Variants in EPHA6 observed in about 807,000 individuals in gnomAD.
EPHA6 encodes the protein ephrin type-A receptor 6.
EPHA6 carries 50 observed loss-of-function variants against 112.0 expected under a neutral mutation model. That is an observed-to-expected ratio of 0.45 (90% CI 0.36 to 0.56). EPHA6 has a LOEUF of 0.56. Ranked by LOEUF, EPHA6 falls within the 20% of genes least tolerant of loss-of-function variation. The pLI is 0.00. For missense variants in EPHA6, 1,280 were observed against 1,417.4 expected (o/e 0.90, Z 1.56); for synonymous variants, 529 against 490.7 (o/e 1.08, Z -1.03).
chr3:97,677,295 G>A (rs2031472907), intron 14 of EPHA6, among the ~76,000 whole-genome samples: 1 of 151,558 alleles, frequency 6.6e-6, no homozygotes, highest in South Asian at 2.1e-4. Context: ...ATCATATTAA[G>A]TTAACATTGA....
chr3:97,059,518 A>G (rs1334425653), intron 3 of EPHA6, among the ~76,000 whole-genome samples: 1 of 151,992 alleles, frequency 6.6e-6, no homozygotes, highest in East Asian at 1.9e-4. Flanking sequence ...CATCAAAGGT[A>G]TTGTAATGTG....
chr3:97,688,917 T>C (rs1366001704), intron 14 of EPHA6, among the ~76,000 whole-genome samples: 1 of 152,182 alleles, frequency 6.6e-6, no homozygotes, highest in Admixed American at 6.5e-5. Context: ...TAAATATCTT[T>C]GTATTTTTAA....
intron 17 of EPHA6, 58 bp from the exon 18 acceptor site, chr3:97,748,529 C>T (rs1333693076): frequency 1.2e-6 from 1 of 808,412 alleles, no homozygotes; most frequent in Non-Finnish European, 2.2e-6. Context: ...CTCTCTCTCT[C>T]TCTCTCTCTT....
rs2036353249 is a variant in EPHA6, at chr3:96,866,977, C to A, written c.450+88C>A. ...ATGGAACAGTGAATTTTGGGCCCTACTTGTTATGAATTTTGACATATAACT... is the reference window on the plus strand; with the variant it reads ...ATGGAACAGTGAATTTTGGGCCCTAATTGTTATGAATTTTGACATATAACT... On this transcript the variant is annotated intron_variant, in intron 2 of 17. Transcript: ENST00000389672. 8.9e-6 allele frequency: 6 copies of A among 671,936 alleles called. No homozygotes were observed. The South Asian group carries it at 1.5e-4, about 17-fold the overall frequency. The allele number at this position is 671,936 out of a possible 1,614,324, so 41.6% of individuals were successfully genotyped here.
At chr3:96,925,585 A>C (rs1420557702) in intron 2 of EPHA6, among the ~76,000 whole-genome samples, 1 of 150,176 alleles carries the variant, frequency 6.7e-6, no homozygotes, top group Non-Finnish European at 1.5e-5. Context: ...TTTTTCAAAA[A>C]ACAAGCTCCT....
At chr3:97,249,913 G>C (rs1379649604) in intron 5 of EPHA6, among the ~76,000 whole-genome samples, 1 of 152,232 alleles carries the variant, frequency 6.6e-6, no homozygotes, top group South Asian at 2.1e-4. Context: ...AATTAACACT[G>C]TTCCTGCTTT....
intron 5 of EPHA6, among the ~76,000 whole-genome samples, chr3:97,396,391 CCATAT>C (rs915817916): frequency 8.7e-5 from 13 of 149,240 alleles, no homozygotes; most frequent in African/African-American, 2.5e-4. Context: ...ACTTTATAAC[CCATAT>C]CATAAGTATT....
At chr3:97,488,394 A>G (rs2091752174) in intron 10 of EPHA6, among the ~76,000 whole-genome samples, 1 of 152,160 alleles carries the variant, frequency 6.6e-6, no homozygotes, top group Non-Finnish European at 1.5e-5. Context: ...GTCAAGCCTA[A>G]TATTTCGATT....
intron 5 of EPHA6, among the ~76,000 whole-genome samples, chr3:97,316,402 C>G (rs1175566999): frequency 1.3e-5 from 2 of 151,822 alleles, no homozygotes; most frequent in Non-Finnish European, 2.9e-5. Flanking sequence ...CCCAGGAACA[C>G]CAATCAAGAA....
chr3:97,606,625 A>AT (rs1343369753), intron 12 of EPHA6, among the ~76,000 whole-genome samples: 1 of 151,372 alleles, frequency 6.6e-6, no homozygotes, highest in African/African-American at 2.4e-5. Flanking sequence ...ACGTGATCTG[A>AT]TAATCATCAG....
chr3:97,476,688 C>T (rs1011406501), intron 8 of EPHA6, among the ~76,000 whole-genome samples: 1 of 152,002 alleles, frequency 6.6e-6, no homozygotes, highest in Non-Finnish European at 1.5e-5. Context: ...AACTGCTATT[C>T]AGTAACAGTG....
chr3:97,029,038 C>T (rs1411283836), intron 3 of EPHA6, among the ~76,000 whole-genome samples: 3 of 151,540 alleles, frequency 2.0e-5, no homozygotes, highest in African/African-American at 7.2e-5. Context: ...AAAGTTAGAA[C>T]ATCGACTTAA....
chr3:96,837,806 A>G (rs1175751642), intron 1 of EPHA6, among the ~76,000 whole-genome samples: 1 of 152,176 alleles, frequency 6.6e-6, no homozygotes, highest in African/African-American at 2.4e-5. Flanking sequence ...GAATTAATGC[A>G]TACTTTAAAG....
At position 96,922,308 on chromosome 3, in the gene EPHA6, A is replaced by G. The variant is rs75932566; in HGVS notation, c.450+55419A>G. ...CTGTTTTTCAGAACTTAAAAGAATAATTAATTCAGCAAAGATTGTCAAAGA... is the reference window on the plus strand; with the variant it reads ...CTGTTTTTCAGAACTTAAAAGAATAGTTAATTCAGCAAAGATTGTCAAAGA... On this transcript the variant is annotated intron_variant, in intron 2 of 17. Coordinates refer to ENST00000389672, the MANE Select transcript of EPHA6 (RefSeq NM_001080448.3). Among the ~76,000 whole-genome samples, 557 of 152,308 alleles carry G rather than the reference A, an allele frequency of 3.7e-3. 4 individuals carry two copies. The highest frequency in any genetic ancestry group is 0.013 in the African/African-American group (541 of 41,574).
chr3:96,826,569 C>T (rs761791039), intron 1 of EPHA6, among the ~76,000 whole-genome samples: 16 of 152,140 alleles, frequency 1.1e-4, no homozygotes, highest in South Asian at 2.1e-4. Flanking sequence ...TTGCTCTATT[C>T]CAGTGCTAAG....
chr3:97,170,391 T>C (rs750724501), intron 3 of EPHA6, among the ~76,000 whole-genome samples: 3 of 152,110 alleles, frequency 2.0e-5, no homozygotes, highest in Non-Finnish European at 4.4e-5. Context: ...CCATGATGAA[T>C]GTGAAAGACT....
chr3:97,214,365 C>T (rs2077971544), intron 3 of EPHA6, among the ~76,000 whole-genome samples: 1 of 151,608 alleles, frequency 6.6e-6, no homozygotes, highest in African/African-American at 2.4e-5. Context: ...AGTAGCCATC[C>T]TCTGAAGAAA....
At chr3:97,126,849 A>C (rs2048195184) in intron 3 of EPHA6, among the ~76,000 whole-genome samples, 1 of 152,102 alleles carries the variant, frequency 6.6e-6, no homozygotes, top group South Asian at 2.1e-4. Flanking sequence ...CCACTACAGT[A>C]AGAGCATAAA....
intron 3 of EPHA6, among the ~76,000 whole-genome samples, chr3:97,055,583 G>T (rs1262379406): frequency 6.6e-6 from 1 of 152,104 alleles, no homozygotes; most frequent in East Asian, 1.9e-4. Flanking sequence ...AGTGTGGTAG[G>T]AGACATTAAG....
Sources: gnomAD v4.1 joint callset for allele counts (sites outside exome capture counted in the v4.1 genomes callset) on GRCh38, gnomAD v4.1.1 for gene constraint, MANE v1.5 for transcripts, NCBI Gene and HGNC (gene_info 2026-07-23, HGNC 2026-07-21) for gene names.